The following KLHL32 variants were observed in gnomAD, a reference collection of about 807,000 sequenced individuals.
KLHL32 encodes the protein kelch-like protein 32.
KLHL32 carries 35 observed loss-of-function variants against 64.8 expected under a neutral mutation model. The ratio of observed to expected loss-of-function variants is 0.54; its 90% confidence interval spans 0.41 to 0.72. The LOEUF (loss-of-function observed/expected upper bound fraction) is 0.72. KLHL32 is among the 30% of genes least tolerant of loss of function. The pLI is 0.00. For synonymous variants in KLHL32, 259 were observed against 281.0 expected (o/e 0.92, Z 0.78); for missense variants, 589 against 768.5 (o/e 0.77, Z 2.76).
intron 3 of KLHL32, among the ~76,000 whole-genome samples, chr6:96,997,736 CCAA>C (rs757846184): frequency 9.2e-5 from 14 of 151,948 alleles, no homozygotes; most frequent in Non-Finnish European, 1.5e-4. Context: ...AACAGTCATG[CCAA>C]CAACAACAAA....
chr6:97,007,938 G>T (rs989615085), intron 3 of KLHL32, among the ~76,000 whole-genome samples: 2 of 152,206 alleles, frequency 1.3e-5, no homozygotes, highest in African/African-American at 4.8e-5. Flanking sequence ...TCAAGGTGTT[G>T]GCAGTGGAAT....
chr6:96,970,105 C>T (rs1010512603), intron 2 of KLHL32, among the ~76,000 whole-genome samples: 5 of 152,180 alleles, frequency 3.3e-5, no homozygotes, highest in African/African-American at 1.2e-4. Flanking sequence ...ATCCCATTCA[C>T]CTTTCTGAAA....
At chr6:97,135,219 CAG>C (rs1463830386) in intron 10 of KLHL32, among the ~76,000 whole-genome samples, 1 of 151,452 alleles carries the variant, frequency 6.6e-6, no homozygotes. Flanking sequence ...TTCTGATGAA[CAG>C]AATCAATCCT....
intron 10 of KLHL32, among the ~76,000 whole-genome samples, chr6:97,135,299 A>ATTTTT (rs747635380): frequency 1.8e-5 from 2 of 109,570 alleles, no homozygotes; most frequent in African/African-American, 3.8e-5. Flanking sequence ...AAATTTGTTA[A>ATTTTT]TTTTTTTTTT....
At chr6:97,057,139 T>C (rs939197098) in intron 4 of KLHL32, among the ~76,000 whole-genome samples, 1 of 150,858 alleles carries the variant, frequency 6.6e-6, no homozygotes, top group African/African-American at 2.4e-5. Context: ...TAACAAAATA[T>C]GTACAAAAAA....
At chr6:96,920,232 C>T (rs1170833466), upstream of KLHL32, among the ~76,000 whole-genome samples, 3 of 152,160 alleles carry the variant, frequency 2.0e-5, no homozygotes, top group Non-Finnish European at 2.9e-5. Context: ...TCACAGACAC[C>T]ATCCTCTAAC....
chr6:96,981,217 C>T (rs531821504), intron 3 of KLHL32, among the ~76,000 whole-genome samples: 12 of 152,096 alleles, frequency 7.9e-5, no homozygotes, highest in Non-Finnish European at 1.2e-4. Context: ...TAGGCTTCTT[C>T]TTACTGATTC....
chr6:96,987,967 G>C (rs1777327570), intron 3 of KLHL32, among the ~76,000 whole-genome samples: 1 of 152,202 alleles, frequency 6.6e-6, no homozygotes, highest in Non-Finnish European at 1.5e-5. Flanking sequence ...ATGGATGAAA[G>C]ACTTACATGT....
chr6:96,950,293 G>C (rs995681422), intron 1 of KLHL32, among the ~76,000 whole-genome samples: 1 of 151,788 alleles, frequency 6.6e-6, no homozygotes, highest in Non-Finnish European at 1.5e-5. Flanking sequence ...TTATTAGTAA[G>C]TGTTCTAGGA....
chr6:96,975,881 C>T, intron 2 of KLHL32, 116 bp from the exon 3 acceptor site: 1 of 658,664 alleles, frequency 1.5e-6, no homozygotes. Flanking sequence ...GATGGTCACA[C>T]TCATAGAGTG....
chr6:97,136,604 C>T (rs577943681), intron 10 of KLHL32, among the ~76,000 whole-genome samples: 10 of 152,246 alleles, frequency 6.6e-5, no homozygotes, highest in African/African-American at 1.4e-4. Context: ...GGAGCAGCTG[C>T]GTAAGTGTGC....
chr6:97,100,966 C>CTTTTGTT (rs1795641325), intron 6 of KLHL32, among the ~76,000 whole-genome samples: 1 of 69,472 alleles, frequency 1.4e-5, no homozygotes, highest in Non-Finnish European at 2.5e-5. Context: ...TGCAGCCAAG[C>CTTTTGTT]TTTTTTTTTT....
chr6:96,948,655 T>A (rs1187872547), intron 1 of KLHL32, among the ~76,000 whole-genome samples: 1 of 152,144 alleles, frequency 6.6e-6, no homozygotes, highest in South Asian at 2.1e-4. Flanking sequence ...GAGAATACAC[T>A]TTTTTAAAAA....
chr6:97,115,979 A>G (rs2128212128), intron 7 of KLHL32, among the ~76,000 whole-genome samples: 1 of 112,884 alleles, frequency 8.9e-6, no homozygotes, highest in African/African-American at 4.7e-5. Flanking sequence ...CTTTAAATTC[A>G]TTTGGACTTT....
At chr6:97,127,303 C>T in intron 7 of KLHL32, 101 bp from the exon 8 acceptor site, 1 of 936,536 alleles carries the variant, frequency 1.1e-6, no homozygotes, top group South Asian at 1.4e-5. Context: ...CAAACAGATC[C>T]TCAGCAGTAG....
intron 1 of KLHL32, among the ~76,000 whole-genome samples, chr6:96,927,355 A>G (rs1184249051): frequency 1.3e-5 from 2 of 152,246 alleles, no homozygotes; most frequent in East Asian, 1.9e-4. Flanking sequence ...GGTAAAACCC[A>G]CCACTGAATA....
upstream of KLHL32, among the ~76,000 whole-genome samples, chr6:96,922,456 T>C (rs954561047): frequency 2.0e-5 from 3 of 152,126 alleles, no homozygotes; most frequent in Admixed American, 6.6e-5. Flanking sequence ...AGTTCCTTCT[T>C]GCCTAAATTA....
intron 3 of KLHL32, among the ~76,000 whole-genome samples, chr6:97,017,734 T>C (rs1781418924): frequency 6.6e-6 from 1 of 152,162 alleles, no homozygotes; most frequent in South Asian, 2.1e-4. Flanking sequence ...CCCACTTGTA[T>C]CTAGGTGGGG....
intron 1 of KLHL32, among the ~76,000 whole-genome samples, chr6:96,943,026 A>C (rs1771503318): frequency 7.7e-6 from 1 of 130,268 alleles, no homozygotes; most frequent in African/African-American, 2.9e-5. Flanking sequence ...TGTATTGTTC[A>C]TGCTCCCTCT....
Sources: gnomAD v4.1 joint callset for allele counts (sites outside exome capture counted in the v4.1 genomes callset) on GRCh38, gnomAD v4.1.1 for gene constraint, MANE v1.5 for transcripts, NCBI Gene and HGNC (gene_info 2026-07-23, HGNC 2026-07-21) for gene names.